The following EIF5 variants were observed in gnomAD, a reference collection of about 807,000 sequenced individuals.
EIF5 encodes eukaryotic translation initiation factor 5.
Under a neutral mutation model 48.3 loss-of-function variants are expected in EIF5, and 10 were observed. The observed-to-expected ratio is 0.21, with a 90% confidence interval of 0.13 to 0.35. EIF5 has a LOEUF of 0.35. Among genes scored for constraint, EIF5 ranks in the 10% least tolerant of loss-of-function variants. The pLI is 1.00. For synonymous variants in EIF5, 237 were observed against 173.1 expected (o/e 1.37, Z -2.90); for missense variants, 397 against 533.2 (o/e 0.74, Z 2.51).
chr14:103,338,239 A>T, intron 6 of EIF5, 88 bp from the exon 7 acceptor site: 2 of 1,538,520 alleles, frequency 1.3e-6, no homozygotes, highest in Non-Finnish European at 1.7e-6. Flanking sequence ...TCCATAGGAA[A>T]ATAAGGGCAG....
In EIF5 at chr14:103,341,112, C is replaced by A; in HGVS notation, c.*60C>A. The A allele has an allele frequency of 6.7e-7, 1 of 1,499,332 alleles. No individual in the cohort carries two copies. The highest frequency in any genetic ancestry group is 9.3e-7 in the Non-Finnish European group (1 of 1,077,426). 92.9% of individuals were successfully genotyped at this position (1,499,332 alleles called of 1,614,324 possible). On this transcript the variant is annotated 3_prime_UTR_variant, in exon 12 of 12. Transcript: ENST00000216554. ...CTGCAAATTTTCCTCCATTATCAGC[C>A]AGAAGTGCAACATGTATGTGCAAAA...
At chr14:103,334,845 T>C (rs1267346862) in intron 2 of EIF5, 2 of 151,842 alleles carry the variant, frequency 1.3e-5, no homozygotes, top group Non-Finnish European at 1.5e-5. Context: ...TTGTGAGTCA[T>C]CGCGCGCTCT....
chr14:103,339,961 T>C (rs561928741), intron 10 of EIF5, among the ~76,000 whole-genome samples, 158 bp downstream of exon 10: 2 of 152,236 alleles, frequency 1.3e-5, no homozygotes, highest in Non-Finnish European at 2.9e-5. Context: ...CGGCTTCAAG[T>C]GATTCTCCTG....
At chr14:103,338,547 A>G in intron 7 of EIF5, 75 bp downstream of exon 7, 5 of 1,511,626 alleles carry the variant, frequency 3.3e-6, no homozygotes, top group East Asian at 4.9e-5. Flanking sequence ...GGTGGGTGGA[A>G]ATGTTGAAAC....
chr14:103,341,212 A>G lies in EIF5; in HGVS notation c.*160A>G. 3.1e-6 allele frequency: 2 copies of G among 635,174 alleles called. No individual in the cohort carries two copies. The highest frequency in any genetic ancestry group is 2.8e-5 in the East Asian group (1 of 35,530). 39.3% of individuals were successfully genotyped at this position (635,174 alleles called of 1,614,324 possible). A position where few individuals can be genotyped will look rare whatever the true frequency, so the allele number is the denominator to read the frequency against. On this transcript the variant is annotated 3_prime_UTR_variant, in exon 12 of 12. Transcript: ENST00000216554. ...TGTGAGTGGTCTGTTATTAAGCCCAATGAGACATCTAGGGAGTCCATACAC... is the reference window on the plus strand; with the variant it reads ...TGTGAGTGGTCTGTTATTAAGCCCAGTGAGACATCTAGGGAGTCCATACAC...
intron 6 of EIF5, chr14:103,338,078 ATCTTAC>A: frequency 3.3e-6 from 2 of 614,748 alleles, no homozygotes. Flanking sequence ...TCATCACTTC[ATCTTAC>A]TCTTTCTTAG....
chr14:103,339,120 G>A (rs1245835706), intron 8 of EIF5, 52 bp from the exon 9 acceptor site: 1 of 1,562,122 alleles, frequency 6.4e-7, no homozygotes, highest in Non-Finnish European at 8.6e-7. Context: ...GGTGTCTTGA[G>A]CCTGGCAAAG....
At chr14:103,339,449 C>T (rs1229676547) in intron 9 of EIF5, 116 bp downstream of exon 9, 4 of 1,433,812 alleles carry the variant, frequency 2.8e-6, no homozygotes, top group Non-Finnish European at 3.8e-6. Flanking sequence ...ATTGACCCAC[C>T]TTACAAGCCT....
rs1335274915 is a variant in EIF5, at chr14:103,341,650, G to A, written c.*598G>A. The A allele has an allele frequency of 6.6e-6, 1 of 152,404 alleles. No individual in the cohort carries two copies. Among genetic ancestry groups the A allele is most frequent in the Non-Finnish European group, 1.5e-5 (1 of 68,162 alleles). The allele number at this position is 152,404 out of a possible 1,614,324, so 9.4% of individuals were successfully genotyped here. A position where few individuals can be genotyped will look rare whatever the true frequency, so the allele number is the denominator to read the frequency against. On this transcript the variant is annotated 3_prime_UTR_variant, in exon 12 of 12. Coordinates refer to ENST00000216554, the MANE Select transcript of EIF5 (RefSeq NM_001969.5). ...GACAGTGTAACATCTTAACCAAGAAGTAAATATGACCTCAGTGTCCTATAA... is the reference window on the plus strand; with the variant it reads ...GACAGTGTAACATCTTAACCAAGAAATAAATATGACCTCAGTGTCCTATAA...
rs3783392 is a variant in EIF5 at position 103,339,873 on chromosome 14, T to G, written c.1071+70T>G. The stretch of plus-strand genomic sequence containing the variant: ...GGGTTTTTTTGTTTGGTTGATTGTT[T>G]TTGGAGACGGAGTCTCATTCTGTTG... On this transcript the variant is annotated intron_variant, in intron 10 of 11. Coordinates refer to ENST00000216554, the MANE Select transcript of EIF5 (RefSeq NM_001969.5). 34 of 1,517,752 alleles carry G rather than the reference T, an allele frequency of 2.2e-5. No homozygotes were observed. The East Asian group carries it at 8.0e-4, about 36-fold the overall frequency. The allele number at this position is 1,517,752 out of a possible 1,614,324, so 94.0% of individuals were successfully genotyped here.
intron 5 of EIF5, 115 bp from the exon 6 acceptor site, chr14:103,337,001 A>G (rs2089294501): frequency 1.5e-6 from 2 of 1,346,116 alleles, no homozygotes; most frequent in Admixed American, 2.6e-5. Context: ...TTTTTAAAGT[A>G]GGTCACTGTG....
At position 103,335,758 on chromosome 14, in the gene EIF5, C is replaced by T. The variant is rs972086948; in HGVS notation, c.-103C>T. The T allele has an allele frequency of 7.4e-6, 10 of 1,357,662 alleles. No homozygotes were observed. Among genetic ancestry groups the T allele is most frequent in the Non-Finnish European group, 1.0e-5 (10 of 958,866 alleles). 84.1% of individuals were successfully genotyped at this position (1,357,662 alleles called of 1,614,324 possible). A position where few individuals can be genotyped will look rare whatever the true frequency, so the allele number is the denominator to read the frequency against. On this transcript the variant is annotated 5_prime_UTR_variant, in exon 3 of 12. Coordinates refer to ENST00000216554, the MANE Select transcript of EIF5 (RefSeq NM_001969.5). ...TTTTTCATGTCAGAGACCGAGAACT[C>T]TTGCAGTCGTTTATGTCATCCCTTC...
Position 103,339,339 on chromosome 14 carries a change from C to G in EIF5, c.906+6C>G. On this transcript the variant is annotated splice_donor_region_variant and intron_variant, in intron 9 of 11. Coordinates refer to ENST00000216554, the MANE Select transcript of EIF5 (RefSeq NM_001969.5). Reference sequence around the variant, plus strand: ...ACAGGCGCCATTTCCTACGAGTAAGCAAAGTGCTCTGGATTCATAAATGAG... The same window carrying G: ...ACAGGCGCCATTTCCTACGAGTAAGGAAAGTGCTCTGGATTCATAAATGAG... The G allele has an allele frequency of 6.3e-7, 1 of 1,584,876 alleles. No individual in the cohort carries two copies. Among genetic ancestry groups the G allele is most frequent in the Non-Finnish European group, 8.5e-7 (1 of 1,171,766 alleles).
rs778851744 is a variant in EIF5, at chr14:103,340,537, AGAAGAT to A, written c.1191_1196del (p.Asp398_Glu399del). ...AGGAAGAATCTTCTGGTGGCGAAGA[AGAAGAT>A]GAAGATGAGAACATTGAGGTAAACA... is the stretch of plus-strand genomic sequence containing the variant. On this transcript the variant is annotated inframe_deletion, in exon 11 of 12. Coordinates refer to ENST00000216554, the MANE Select transcript of EIF5 (RefSeq NM_001969.5). The A allele has an allele frequency of 1.1e-5, 17 of 1,612,790 alleles. No homozygotes were observed. The highest frequency in any genetic ancestry group is 2.2e-5 in the South Asian group (2 of 91,072).
chr14:103,335,245 TA>T, intron 2 of EIF5: 1 of 154,262 alleles, frequency 6.5e-6, no homozygotes. Flanking sequence ...AGGTTGCCCT[TA>T]AAAATGAAGA....
chr14:103,339,867 A>G, intron 10 of EIF5, 64 bp downstream of exon 10: 1 of 1,540,530 alleles, frequency 6.5e-7, no homozygotes, highest in South Asian at 1.2e-5. Context: ...TGTTTGGTTG[A>G]TTGTTTTTGG....
At chr14:103,336,630 A>C in intron 4 of EIF5, 47 bp from the exon 5 acceptor site, 2 of 1,536,148 alleles carry the variant, frequency 1.3e-6, no homozygotes, top group South Asian at 2.5e-5. Flanking sequence ...GAGTAGCCAG[A>C]GATCTAGTTA....
Position 103,335,728 on chromosome 14 carries a change from A to G in EIF5, c.-133A>G. On this transcript the variant is annotated 5_prime_UTR_variant, in exon 3 of 12. Coordinates refer to ENST00000216554, the MANE Select transcript of EIF5 (RefSeq NM_001969.5). ...CAAGAAGCTTACAGCCTCAGTGGCG[A>G]AAATTTTTTCATGTCAGAGACCGAG... 1 of 1,049,024 alleles carries G rather than the reference A, an allele frequency of 9.5e-7. No homozygotes were observed. The highest frequency in any genetic ancestry group is 1.5e-5 in the South Asian group (1 of 68,754). 65.0% of individuals were successfully genotyped at this position (1,049,024 alleles called of 1,614,324 possible).
chr14:103,339,547 C>A, intron 9 of EIF5, 92 bp from the exon 10 acceptor site: 1 of 1,566,836 alleles, frequency 6.4e-7, no homozygotes. Context: ...ATGGTATGGG[C>A]CATGCACTTG....
Sources: gnomAD v4.1 joint callset for allele counts (sites outside exome capture counted in the v4.1 genomes callset) on GRCh38, gnomAD v4.1.1 for gene constraint, MANE v1.5 for transcripts, NCBI Gene and HGNC (gene_info 2026-07-23, HGNC 2026-07-21) for gene names.